The following LIN9 variants were observed in gnomAD, a reference collection of about 807,000 sequenced individuals.
LIN9 encodes lin-9 DREAM MuvB core complex component.
LIN9 carries 18 observed loss-of-function variants against 78.0 expected under a neutral mutation model. The ratio of observed to expected loss-of-function variants is 0.23; its 90% confidence interval spans 0.16 to 0.34. The LOEUF (loss-of-function observed/expected upper bound fraction) is 0.34. LIN9 is among the 10% of genes least tolerant of loss of function. LIN9 has a pLI of 1.00. For synonymous variants in LIN9, 192 were observed against 215.2 expected (o/e 0.89, Z 0.94); for missense variants, 451 against 644.1 (o/e 0.70, Z 3.25).
Position 226,233,478 on chromosome 1 carries a change from T to C in LIN9, c.1291A>G (p.Met431Val). 1.2e-6 allele frequency: 2 copies of C among 1,614,188 alleles called. No homozygotes were observed. Among genetic ancestry groups the C allele is most frequent in the Non-Finnish European group, 1.7e-6 (2 of 1,180,026 alleles). Reference protein sequence around the residue: ...GLQPADQPTDMRRRCEEEAQE... With the variant: ...GLQPADQPTDVRRRCEEEAQE... ...GCTTCTTCCTCACACCTGCGTCTCA[T>C]ATCTGTTGGCTGATCTGCAGGCTGG... Residue 431 changes from methionine to valine, a missense_variant, in exon 13 of 15, where the codon ATG becomes GTG. By Grantham distance (21) the Met-to-Val change is conservative. Transcript: ENST00000681046.
At chr1:226,254,205 T>C (rs1659043731) in intron 10 of LIN9, among the ~76,000 whole-genome samples, 1 of 152,254 alleles carries the variant, frequency 6.6e-6, no homozygotes, top group Non-Finnish European at 1.5e-5. Flanking sequence ...CTTGAACTCC[T>C]AGACTTCCAA....
At position 226,266,297 on chromosome 1, in the gene LIN9, G is replaced by A. The variant is rs1283642168; in HGVS notation, c.852C>T (p.Ala284=). 6.2e-7 allele frequency: 1 copy of A among 1,602,308 alleles called. No individual in the cohort carries two copies. The highest frequency in any genetic ancestry group is 1.7e-5 in the Admixed American group (1 of 59,474). ...GAGAAGGCCGCTGTTTTTGTCCAAAGGCAGCAATTGGCATTGTCTCATGAG... is the reference window on the plus strand; with the variant it reads ...GAGAAGGCCGCTGTTTTTGTCCAAAAGCAGCAATTGGCATTGTCTCATGAG... ...NEPHETMPIA[A]FGQKQRPSRF... The change falls in exon 9 of 15, where the codon GCC becomes GCT. Residue 284 remains alanine (A), a synonymous_variant. Transcript: ENST00000681046.
At chr1:226,307,998 AACTT>A (rs1663024743) in intron 1 of LIN9, among the ~76,000 whole-genome samples, 1 of 152,234 alleles carries the variant, frequency 6.6e-6, no homozygotes, top group South Asian at 2.1e-4. Flanking sequence ...TTAACTTTAT[AACTT>A]ACTAAGAACA....
intron 6 of LIN9, among the ~76,000 whole-genome samples, chr1:226,279,773 A>G (rs1660925315): frequency 6.6e-6 from 1 of 151,076 alleles, no homozygotes; most frequent in Non-Finnish European, 1.5e-5. Flanking sequence ...CAGTCTGAAA[A>G]AAAAAAAAAA....
chr1:226,291,072 C>A (rs962908083), intron 4 of LIN9, among the ~76,000 whole-genome samples: 1 of 152,098 alleles, frequency 6.6e-6, no homozygotes, highest in Non-Finnish European at 1.5e-5. Flanking sequence ...TCAATTTATT[C>A]GGAGAGTATT....
At chr1:226,274,720 A>AT (rs747427882) in intron 7 of LIN9, among the ~76,000 whole-genome samples, 4 of 151,420 alleles carry the variant, frequency 2.6e-5, no homozygotes, top group Non-Finnish European at 4.4e-5. Flanking sequence ...TACTGATAAC[A>AT]TTCTCAAGTT....
At chr1:226,255,549 C>CA (rs1030536516) in intron 10 of LIN9, among the ~76,000 whole-genome samples, 97 of 147,056 alleles carry the variant, frequency 6.6e-4, no homozygotes, top group South Asian at 6.5e-3. Context: ...CGCCAGGAGG[C>CA]AAAAAAAAAC....
At chr1:226,283,068 A>G (rs1025611812) in intron 6 of LIN9, among the ~76,000 whole-genome samples, 2 of 152,026 alleles carry the variant, frequency 1.3e-5, no homozygotes, top group South Asian at 4.2e-4. Flanking sequence ...TGATCCTCCC[A>G]CCTTGGTCTT....
At chr1:226,307,324 T>C (rs539429308) in intron 1 of LIN9, among the ~76,000 whole-genome samples, 5 of 152,310 alleles carry the variant, frequency 3.3e-5, no homozygotes, top group African/African-American at 1.2e-4. Context: ...TCCACACTCA[T>C]TTGGGAGCAT....
intron 11 of LIN9, among the ~76,000 whole-genome samples, chr1:226,247,608 CCCTTACTTCTTT>C (rs1366405179): frequency 1.3e-5 from 2 of 151,948 alleles, no homozygotes; most frequent in Non-Finnish European, 2.9e-5. Context: ...ATCAGGTTCC[CCCTTACTTCTTT>C]CCTTCTTTTC....
At chr1:226,297,663 A>C in intron 3 of LIN9, 56 bp downstream of exon 3, 3 of 1,232,468 alleles carry the variant, frequency 2.4e-6, no homozygotes, top group Non-Finnish European at 3.4e-6. Flanking sequence ...ACATGACAAT[A>C]ATACAGACAA....
intron 7 of LIN9, among the ~76,000 whole-genome samples, chr1:226,270,072 G>A (rs1007636549): frequency 6.6e-5 from 10 of 152,088 alleles, no homozygotes; most frequent in South Asian, 6.2e-4. Context: ...ACAAGTGCCC[G>A]CCACCACACC....
chr1:226,272,508 G>A (rs960699302), intron 7 of LIN9, among the ~76,000 whole-genome samples: 2 of 150,040 alleles, frequency 1.3e-5, no homozygotes, highest in African/African-American at 4.9e-5. Context: ...CTGAGTAGCT[G>A]GGACTACAGG....
intron 4 of LIN9, among the ~76,000 whole-genome samples, chr1:226,290,089 T>C (rs570772644): frequency 2.0e-5 from 3 of 151,504 alleles, no homozygotes; most frequent in South Asian, 4.2e-4. Flanking sequence ...CAGAAACAAA[T>C]CAAAAGACAA....
At chr1:226,247,786 C>G (rs1166266438) in intron 11 of LIN9, among the ~76,000 whole-genome samples, 1 of 152,042 alleles carries the variant, frequency 6.6e-6, no homozygotes, top group African/African-American at 2.4e-5. Context: ...ACTCTCCTGC[C>G]TCAGCCTCCC....
At chr1:226,276,023 G>A (rs1660634956) in intron 7 of LIN9, among the ~76,000 whole-genome samples, 1 of 152,180 alleles carries the variant, frequency 6.6e-6, no homozygotes, top group Non-Finnish European at 1.5e-5. Context: ...GCAAGACTTT[G>A]TCTCAAAAAA....
rs1657912878 is a variant in LIN9 at position 226,238,841 on chromosome 1, CTT to C, written c.1245+128_1245+129del. The C allele has an allele frequency of 6.1e-6, 5 of 819,816 alleles. No homozygotes were observed. The Admixed American group carries it at 9.2e-5, about 15-fold the overall frequency. 50.8% of individuals were successfully genotyped at this position (819,816 alleles called of 1,614,324 possible). ...CACTGATGCTGGGAGGAGTAAGAAA[CTT>C]TATATAATACAGTTCTGCTAAAGGA... On this transcript the variant is annotated intron_variant, in intron 12 of 14. Transcript: ENST00000681046.
chr1:226,304,204 C>T (rs781592228), intron 1 of LIN9, among the ~76,000 whole-genome samples: 4 of 152,112 alleles, frequency 2.6e-5, no homozygotes, highest in Non-Finnish European at 4.4e-5. Context: ...TTCAGTCAGG[C>T]GAATCTGATT....
intron 10 of LIN9, among the ~76,000 whole-genome samples, chr1:226,261,870 A>G (rs923270505): frequency 6.6e-6 from 1 of 152,224 alleles, no homozygotes; most frequent in Non-Finnish European, 1.5e-5. Context: ...ACTTCAAAAC[A>G]TACTATAAAC....
Sources: gnomAD v4.1 joint callset for allele counts (sites outside exome capture counted in the v4.1 genomes callset) on GRCh38, gnomAD v4.1.1 for gene constraint, MANE v1.5 for transcripts, NCBI Gene and HGNC (gene_info 2026-07-23, HGNC 2026-07-21) for gene names.